The following SFXN5 variants were observed in gnomAD, a reference collection of about 807,000 sequenced individuals.
SFXN5 encodes the protein sideroflexin 5.
In SFXN5, 43 loss-of-function variants were observed where a neutral mutation model predicts 50.2. The observed-to-expected ratio is 0.86, with a 90% CI of 0.67 to 1.11. The LOEUF is 1.11. Ranked by LOEUF, SFXN5 falls within the 50% of genes least tolerant of loss-of-function variation. The probability of loss-of-function intolerance (pLI) is 0.00; values close to 1 mark genes in which losing one functional copy is unlikely to be tolerated. For synonymous variants in SFXN5, 203 were observed against 185.8 expected (o/e 1.09, Z -0.75); for missense variants, 463 against 454.1 (o/e 1.02, Z -0.18).
chr2:72,978,811 A>T (rs1670947933), intron 10 of SFXN5, among the ~76,000 whole-genome samples: 3 of 151,878 alleles, frequency 2.0e-5, no homozygotes, highest in Middle Eastern at 3.4e-3. Flanking sequence ...TAGGGCCCAG[A>T]TCTGTTTTTT....
chr2:73,059,027 C>A, intron 1 of SFXN5: 1 of 1,003,902 alleles, frequency 1.0e-6, no homozygotes, highest in African/African-American at 1.7e-5. Context: ...GGTCCCTCCC[C>A]AAGGTCCAGC....
At chr2:73,051,460 C>T (rs982410217) in intron 2 of SFXN5, among the ~76,000 whole-genome samples, 2 of 151,938 alleles carry the variant, frequency 1.3e-5, no homozygotes, top group Admixed American at 6.6e-5. Flanking sequence ...GTTTCACCAT[C>T]TTGGCCAGGC....
At chr2:73,025,395 T>A (rs146796414) in intron 3 of SFXN5, among the ~76,000 whole-genome samples, 5 of 151,978 alleles carry the variant, frequency 3.3e-5, no homozygotes, top group African/African-American at 1.2e-4. Flanking sequence ...GCACATTCCA[T>A]CCCCCCAGGG....
intron 6 of SFXN5, among the ~76,000 whole-genome samples, chr2:73,004,225 T>C (rs1674297832): frequency 6.6e-6 from 1 of 151,960 alleles, no homozygotes; most frequent in African/African-American, 2.4e-5. Context: ...CAATCAGCAC[T>C]CTGCATCCAT....
intron 3 of SFXN5, among the ~76,000 whole-genome samples, chr2:73,036,239 A>T (rs1396326518): frequency 6.6e-6 from 1 of 152,136 alleles, no homozygotes; most frequent in Non-Finnish European, 1.5e-5. Flanking sequence ...GTCACCACTT[A>T]TCCCCTCTGC....
At chr2:73,059,580 C>G in intron 1 of SFXN5, 1 of 985,232 alleles carries the variant, frequency 1.0e-6, no homozygotes, top group Non-Finnish European at 1.2e-6. Flanking sequence ...AAAGTCCCCC[C>G]ACACACCAGT....
intron 6 of SFXN5, among the ~76,000 whole-genome samples, chr2:73,004,313 G>GCACACACACACACACA (rs1239165881): frequency 7.2e-6 from 1 of 138,432 alleles, no homozygotes; most frequent in African/African-American, 3.0e-5. Flanking sequence ...ATGAGTGCGC[G>GCACACACACACACACA]CGCACACACA....
At chr2:73,031,308 G>A (rs1344368091) in intron 3 of SFXN5, among the ~76,000 whole-genome samples, 1 of 152,206 alleles carries the variant, frequency 6.6e-6, no homozygotes, top group Admixed American at 6.5e-5. Flanking sequence ...CTGTGAGCCA[G>A]TGCAAGGATG....
intron 10 of SFXN5, among the ~76,000 whole-genome samples, chr2:72,982,169 A>C (rs2105525765): frequency 6.6e-6 from 1 of 152,272 alleles, no homozygotes; most frequent in Non-Finnish European, 1.5e-5. Flanking sequence ...ATCCCCATGA[A>C]AACTTTGCTT....
At chr2:73,002,052 C>T (rs527422745) in intron 6 of SFXN5, among the ~76,000 whole-genome samples, 2 of 152,140 alleles carry the variant, frequency 1.3e-5, no homozygotes, top group Non-Finnish European at 2.9e-5. Flanking sequence ...CTAGCCTTCC[C>T]GTAGGATTTT....
At position 73,016,883 on chromosome 2, in the gene SFXN5, C is replaced by T. The variant is rs192725975; in HGVS notation, c.357+3356G>A. On this transcript the variant is annotated intron_variant, in intron 6 of 13. Coordinates refer to ENST00000272433, the MANE Select transcript of SFXN5 (RefSeq NM_144579.3). ...GGCATTTTGTTGACATGATGGGATGCGGAACATAGAAGGCAATATTCAAAA... is the reference window on the plus strand; with the variant it reads ...GGCATTTTGTTGACATGATGGGATGTGGAACATAGAAGGCAATATTCAAAA... 4.6e-5 allele frequency among the ~76,000 whole-genome samples: 7 copies of T among 152,148 alleles called. No individual in the cohort carries two copies. In the East Asian group the frequency reaches 5.8e-4, roughly 13 times the overall value.
intron 2 of SFXN5, among the ~76,000 whole-genome samples, chr2:73,055,999 G>A (rs956791387): frequency 3.9e-5 from 6 of 152,156 alleles, no homozygotes; most frequent in Admixed American, 1.3e-4. Context: ...TTAGCCACGC[G>A]TGATGGTGCA....
rs1251147340 is a variant in SFXN5 at position 73,040,916 on chromosome 2, CCTCT to C, written c.183_186del (p.Glu62LeufsTer58). On this transcript the variant is annotated frameshift_variant, in exon 3 of 14. Transcript: ENST00000272433. LOFTEE classifies it high-confidence loss of function. Reference sequence around the variant, plus strand: ...TTATAGTCCTCCAGCAGCTGCACAGCCTCTCTGAGACGTCTCTGCAGAAGAAAGA... The same window carrying C: ...TTATAGTCCTCCAGCAGCTGCACAGCCTGAGACGTCTCTGCAGAAGAAAGA... The C allele has an allele frequency of 1.1e-5, 18 of 1,612,942 alleles. No homozygotes were observed. The highest frequency in any genetic ancestry group is 1.7e-5 in the Admixed American group (1 of 59,948).
intron 9 of SFXN5, chr2:72,998,717 A>T (rs1673546927): frequency 1.8e-6 from 1 of 549,246 alleles, no homozygotes; most frequent in Admixed American, 3.1e-5. Flanking sequence ...CAGTGCCCCC[A>T]GGCACAACCT....
At chr2:72,967,048 C>T (rs527453554) in intron 12 of SFXN5, among the ~76,000 whole-genome samples, 32 of 152,312 alleles carry the variant, frequency 2.1e-4, no homozygotes, top group East Asian at 1.9e-3. Flanking sequence ...GCTTTGCAGC[C>T]GCACTCCTGA....
At chr2:73,047,223 A>G (rs1434902462) in intron 2 of SFXN5, among the ~76,000 whole-genome samples, 1 of 15,634 alleles carries the variant, frequency 6.4e-5, no homozygotes, top group South Asian at 3.7e-3. Context: ...ATCTCGTAAA[A>G]AAAAAAAAAA....
At chr2:72,978,883 A>G (rs990001760) in intron 10 of SFXN5, among the ~76,000 whole-genome samples, 1 of 151,810 alleles carries the variant, frequency 6.6e-6, no homozygotes, top group African/African-American at 2.4e-5. Context: ...CCCAGGAGAA[A>G]CTCTTACTCA....
At chr2:73,035,493 CT>C (rs761321478) in intron 3 of SFXN5, among the ~76,000 whole-genome samples, 4,412 of 101,924 alleles carry the variant, frequency 0.043, 50 homozygotes, top group African/African-American at 0.15. Context: ...GTATCGCAAT[CT>C]TTTTTTTTTT....
chr2:73,000,634 G>A, intron 7 of SFXN5, 147 bp from the exon 8 acceptor site: 1 of 750,890 alleles, frequency 1.3e-6, no homozygotes. Context: ...CGGTCAGCAT[G>A]ACTGACCGTC....
Sources: gnomAD v4.1 joint callset for allele counts (sites outside exome capture counted in the v4.1 genomes callset) on GRCh38, gnomAD v4.1.1 for gene constraint, MANE v1.5 for transcripts, NCBI Gene and HGNC (gene_info 2026-07-23, HGNC 2026-07-21) for gene names.